The following CLNK variants were observed in gnomAD, a reference collection of about 807,000 sequenced individuals.
The protein encoded by CLNK is cytokine-dependent hematopoietic cell linker.
CLNK carries 74 observed loss-of-function variants against 68.6 expected under a neutral mutation model. The ratio of observed to expected loss-of-function variants is 1.08; its 90% CI spans 0.89 to 1.31. CLNK has a LOEUF of 1.31. Ranked by LOEUF, CLNK falls within the 50% of genes most tolerant of loss-of-function variation. CLNK has a pLI of 0.00. For missense variants in CLNK, 553 were observed against 515.3 expected, an observed-to-expected ratio of 1.07 and a Z score of -0.71; for synonymous variants, 198 against 172.2, an observed-to-expected ratio of 1.15 and a Z score of -1.17.
chr4:10,577,920 G>T (rs1179274824), intron 4 of CLNK, among the ~76,000 whole-genome samples: 3 of 152,206 alleles, frequency 2.0e-5, no homozygotes, highest in Admixed American at 2.0e-4. Context: ...GCACGAGGAA[G>T]GCAACATGTA....
chr4:10,525,761 T>C (rs1375280006), intron 14 of CLNK, 80 bp downstream of exon 14: 1 of 803,722 alleles, frequency 1.2e-6, no homozygotes, highest in African/African-American at 1.7e-5. Flanking sequence ...TCTCAGAAAG[T>C]CTTTGTGATC....
chr4:10,562,913 G>A (rs1719956679), intron 7 of CLNK, among the ~76,000 whole-genome samples: 1 of 152,140 alleles, frequency 6.6e-6, no homozygotes, highest in South Asian at 2.1e-4. Flanking sequence ...GTGGTTCACG[G>A]ATATGTCTTT....
intron 7 of CLNK, among the ~76,000 whole-genome samples, chr4:10,564,222 T>C (rs553235547): frequency 1.3e-5 from 2 of 152,222 alleles, no homozygotes; most frequent in Non-Finnish European, 2.9e-5. Context: ...TAGGATTTTC[T>C]GTTTTTCCCT....
At chr4:10,705,390 T>A in the CLNK span, among the ~76,000 whole-genome samples, 6 of 152,346 alleles carry the variant, frequency 3.9e-5, no homozygotes, top group African/African-American at 1.4e-4. Context: ...AATACAGTTT[T>A]AAAAATCTTA....
intron 2 of CLNK, among the ~76,000 whole-genome samples, chr4:10,656,331 C>CAAAA (rs33941894): frequency 2.2e-5 from 2 of 89,448 alleles, no homozygotes; most frequent in East Asian, 3.4e-4. Flanking sequence ...AATGCCTGAC[C>CAAAA]AAAAAAAAAA....
chr4:10,641,097 G>T (rs1487061850), intron 2 of CLNK, among the ~76,000 whole-genome samples: 2 of 152,138 alleles, frequency 1.3e-5, no homozygotes, highest in Non-Finnish European at 2.9e-5. Flanking sequence ...GAGAATACAG[G>T]GAGTCATGTT....
intron 5 of CLNK, among the ~76,000 whole-genome samples, chr4:10,570,003 T>C (rs1408742030): frequency 1.3e-5 from 2 of 152,156 alleles, no homozygotes; most frequent in Non-Finnish European, 2.9e-5. Context: ...CTAGTATGTG[T>C]ACTCCAGGAA....
At chr4:10,664,398 C>G (rs891292476) in intron 2 of CLNK, among the ~76,000 whole-genome samples, 1 of 152,196 alleles carries the variant, frequency 6.6e-6, no homozygotes, top group South Asian at 2.1e-4. Context: ...GAAGTGAGAA[C>G]TACCCCACAA....
intron 16 of CLNK, among the ~76,000 whole-genome samples, chr4:10,508,479 G>A (rs1429263783): frequency 1.3e-5 from 2 of 152,200 alleles, no homozygotes; most frequent in East Asian, 3.9e-4. Flanking sequence ...AGGCACAGAT[G>A]CCGCTGAGCT....
chr4:10,711,353 C>A, the CLNK span, among the ~76,000 whole-genome samples: 1 of 152,204 alleles, frequency 6.6e-6, no homozygotes, highest in Non-Finnish European at 1.5e-5. Context: ...TAACTTGGGT[C>A]TTCAATCTCA....
chr4:10,629,143 G>T (rs531967535), intron 2 of CLNK, among the ~76,000 whole-genome samples: 3 of 152,074 alleles, frequency 2.0e-5, no homozygotes, highest in African/African-American at 7.2e-5. Context: ...AAACTTCTGC[G>T]CCTCATTGAG....
the CLNK span, among the ~76,000 whole-genome samples, chr4:10,692,919 T>C: frequency 6.6e-6 from 1 of 152,246 alleles, no homozygotes; most frequent in African/African-American, 2.4e-5. Context: ...TAAGCCAAAC[T>C]GGTCCATACT....
chr4:10,547,885 C>T (rs777957243), intron 8 of CLNK, among the ~76,000 whole-genome samples: 11 of 152,122 alleles, frequency 7.2e-5, no homozygotes, highest in South Asian at 2.1e-4. Context: ...TTGATCCATT[C>T]ATCTGTCTAT....
the CLNK span, among the ~76,000 whole-genome samples, chr4:10,719,984 T>C: frequency 3.3e-5 from 5 of 151,630 alleles, no homozygotes; most frequent in African/African-American, 7.3e-5. Flanking sequence ...TCCGTGGAAA[T>C]TGAAAAAAAA....
intron 16 of CLNK, among the ~76,000 whole-genome samples, chr4:10,509,563 T>C (rs182075906): frequency 3.8e-4 from 57 of 151,766 alleles, no homozygotes; most frequent in African/African-American, 1.3e-3. Flanking sequence ...TTGCTCTTGT[T>C]GCCCTGGCTT....
intron 18 of CLNK, among the ~76,000 whole-genome samples, chr4:10,494,202 A>T (rs1359887888): frequency 6.6e-6 from 1 of 152,202 alleles, no homozygotes; most frequent in East Asian, 1.9e-4. Flanking sequence ...CACACAAAAA[A>T]ACTTTTTATG....
rs145642616 is a variant in CLNK, at chr4:10,564,805, A to T, written c.293-28T>A. The T allele has an allele frequency of 8.5e-5, 116 of 1,368,768 alleles. No individual in the cohort carries two copies. In the African/African-American group the frequency reaches 1.4e-3, roughly 17 times the overall value. 84.8% of individuals were successfully genotyped at this position (1,368,768 alleles called of 1,614,324 possible). On this transcript the variant is annotated intron_variant, in intron 6 of 18. Transcript: ENST00000226951. ...ATGCAAACAGAAAAATATGAAAGTC[A>T]TACCTTACGTGGACTCAGCACATTA...
intron 8 of CLNK, among the ~76,000 whole-genome samples, chr4:10,556,801 G>C (rs1207165957): frequency 6.6e-6 from 1 of 152,136 alleles, no homozygotes; most frequent in Non-Finnish European, 1.5e-5. Context: ...GAAGGGCCGG[G>C]TGTGGTGGCT....
chr4:10,702,976 G>T, the CLNK span, among the ~76,000 whole-genome samples: 1 of 152,134 alleles, frequency 6.6e-6, no homozygotes, highest in Non-Finnish European at 1.5e-5. Context: ...ACTAAGAGAC[G>T]AAGAGGAACT....
Sources: gnomAD v4.1 joint callset for allele counts (sites outside exome capture counted in the v4.1 genomes callset) on GRCh38, gnomAD v4.1.1 for gene constraint, MANE v1.5 for transcripts, NCBI Gene and HGNC (gene_info 2026-07-23, HGNC 2026-07-21) for gene names.